Variants in ELP4 observed in about 807,000 individuals in gnomAD.
ELP4 encodes the protein elongator complex protein 4.
Under a neutral mutation model 48.9 loss-of-function variants are expected in ELP4, and 51 were observed. That is an observed-to-expected ratio of 1.04 (90% CI 0.83 to 1.32). The LOEUF is 1.32. Among genes scored for constraint, ELP4 ranks in the 40% most tolerant of loss-of-function variants. The pLI, the probability that ELP4 is intolerant of heterozygous loss-of-function variation, is 0.00. For missense variants in ELP4, 519 were observed against 514.6 expected (o/e 1.01, Z -0.08); for synonymous variants, 210 against 189.2 (o/e 1.11, Z -0.90).
rs151135821 is a variant in ELP4 at position 31,659,131 on chromosome 11, T to A, written c.1143+8910T>A. Among the ~76,000 whole-genome samples, 116 of 152,214 alleles carry A rather than the reference T, an allele frequency of 7.6e-4. 1 individual carries two copies. Among genetic ancestry groups the A allele is most frequent in the African/African-American group, 2.5e-3 (104 of 41,570 alleles). On this transcript the variant is annotated intron_variant, in intron 9 of 9. Transcript: ENST00000640961. ...AGAATTGTGGACCATAATAAATAATTAAGAGAAAGTAGAATGTAATGGGAA... is the reference window on the plus strand; with the variant it reads ...AGAATTGTGGACCATAATAAATAATAAAGAGAAAGTAGAATGTAATGGGAA...
chr11:31,549,999 G>A (rs548612395), intron 3 of ELP4, among the ~76,000 whole-genome samples: 2 of 152,042 alleles, frequency 1.3e-5, no homozygotes, highest in African/African-American at 4.8e-5. Flanking sequence ...GGTGGGGTAG[G>A]GGGGAGGGAT....
chr11:31,565,398 T>G (rs1171773687), intron 3 of ELP4, among the ~76,000 whole-genome samples: 105 of 142,618 alleles, frequency 7.4e-4, no homozygotes, highest in South Asian at 1.6e-3. Context: ...TTTGTCAATT[T>G]TGGCTTTTGT....
At chr11:31,685,012 G>A (rs1946131890) in intron 9 of ELP4, among the ~76,000 whole-genome samples, 1 of 152,252 alleles carries the variant, frequency 6.6e-6, no homozygotes, top group Non-Finnish European at 1.5e-5. Context: ...ACATAATACT[G>A]AAAACCTTTT....
chr11:31,592,980 G>T, intron 3 of ELP4, among the ~76,000 whole-genome samples: 1 of 152,086 alleles, frequency 6.6e-6, no homozygotes, highest in Non-Finnish European at 1.5e-5. Flanking sequence ...ATTAAGTTGT[G>T]AGTAACCATT....
intron 3 of ELP4, among the ~76,000 whole-genome samples, chr11:31,578,447 T>G (rs1297075911): frequency 2.0e-5 from 3 of 152,122 alleles, no homozygotes; most frequent in African/African-American, 7.2e-5. Flanking sequence ...TGCTTTAAAG[T>G]TCATATGGAA....
intron 9 of ELP4, among the ~76,000 whole-genome samples, chr11:31,674,035 A>G (rs1277251865): frequency 3.3e-5 from 5 of 152,178 alleles, no homozygotes; most frequent in Non-Finnish European, 5.9e-5. Flanking sequence ...TCCACAGGAA[A>G]TGTAGTGTGT....
chr11:31,560,744 G>GTTGTTT (rs1565053778), intron 3 of ELP4, among the ~76,000 whole-genome samples: 4 of 53,100 alleles, frequency 7.5e-5, no homozygotes, highest in African/African-American at 2.5e-4. Context: ...ACATTGTTTT[G>GTTGTTT]TATATATATA....
At chr11:31,551,343 A>G (rs1467853844) in intron 3 of ELP4, among the ~76,000 whole-genome samples, 2 of 152,160 alleles carry the variant, frequency 1.3e-5, no homozygotes, top group Non-Finnish European at 2.9e-5. Context: ...ATCCATTTGT[A>G]AAGTGCTGAT....
At chr11:31,612,140 GT>G (rs1957992314) in intron 5 of ELP4, among the ~76,000 whole-genome samples, 1 of 152,130 alleles carries the variant, frequency 6.6e-6, no homozygotes, top group African/African-American at 2.4e-5. Flanking sequence ...ACTGGAAGGG[GT>G]TTGGGGTGAA....
chr11:31,684,729 C>T (rs956713439), intron 9 of ELP4, among the ~76,000 whole-genome samples: 2 of 152,228 alleles, frequency 1.3e-5, no homozygotes, highest in South Asian at 2.1e-4. Context: ...AACTGGTATC[C>T]GTATGATCCA....
chr11:31,705,024 A>AT (rs774818860), intron 9 of ELP4, among the ~76,000 whole-genome samples: 1 of 150,966 alleles, frequency 6.6e-6, no homozygotes, highest in Non-Finnish European at 1.5e-5. Flanking sequence ...AAAAAAAAAA[A>AT]TTATATAGTA....
intron 9 of ELP4, among the ~76,000 whole-genome samples, chr11:31,711,661 G>T (rs920540599): frequency 6.6e-6 from 1 of 151,974 alleles, no homozygotes; most frequent in African/African-American, 2.4e-5. Context: ...AGATAAATAT[G>T]TACCTCTGCA....
At chr11:31,536,629 G>A (rs907604852) in intron 2 of ELP4, among the ~76,000 whole-genome samples, 1 of 152,192 alleles carries the variant, frequency 6.6e-6, no homozygotes, top group Admixed American at 6.5e-5. Flanking sequence ...GGGGATTACA[G>A]ACATGAGCCA....
chr11:31,702,042 C>G (rs1362912861), intron 9 of ELP4, among the ~76,000 whole-genome samples: 2 of 152,034 alleles, frequency 1.3e-5, no homozygotes, highest in Non-Finnish European at 2.9e-5. Context: ...GTTATAGTTG[C>G]ATTTCCAAAT....
intron 5 of ELP4, among the ~76,000 whole-genome samples, chr11:31,622,630 G>T (rs1012492095): frequency 1.3e-4 from 19 of 151,540 alleles, no homozygotes; most frequent in African/African-American, 4.6e-4. Flanking sequence ...GCAGTTTGTT[G>T]ATAGGAATTA....
intron 9 of ELP4, among the ~76,000 whole-genome samples, chr11:31,669,180 C>T (rs868649031): frequency 8.6e-5 from 13 of 151,818 alleles, no homozygotes; most frequent in South Asian, 8.3e-4. Flanking sequence ...CTCACTGCAA[C>T]CTCTGCCTCC....
chr11:31,590,997 G>A (rs1364262892), intron 3 of ELP4, among the ~76,000 whole-genome samples: 1 of 152,072 alleles, frequency 6.6e-6, no homozygotes, highest in Non-Finnish European at 1.5e-5. Flanking sequence ...TCCATCAATG[G>A]ACGCTTCCAG....
At chr11:31,555,997 T>C (rs1282659049) in intron 3 of ELP4, among the ~76,000 whole-genome samples, 1 of 151,914 alleles carries the variant, frequency 6.6e-6, no homozygotes, top group Non-Finnish European at 1.5e-5. Flanking sequence ...CCAACGCAAA[T>C]ATTTCTGTAC....
intron 9 of ELP4, among the ~76,000 whole-genome samples, chr11:31,657,545 A>G (rs184439379): frequency 6.6e-6 from 1 of 152,184 alleles, no homozygotes; most frequent in African/African-American, 2.4e-5. Context: ...GTGAAACTAC[A>G]GTTTTTAAAG....
Sources: gnomAD v4.1 joint callset for allele counts (sites outside exome capture counted in the v4.1 genomes callset) on GRCh38, gnomAD v4.1.1 for gene constraint, MANE v1.5 for transcripts, NCBI Gene and HGNC (gene_info 2026-07-23, HGNC 2026-07-21) for gene names.